CNTNAP2: variants seen among roughly 807,000 people sequenced by gnomAD.
The protein encoded by CNTNAP2 is contactin-associated protein-like 2.
In CNTNAP2, 98 loss-of-function variants were observed where a neutral mutation model predicts 155.2. The ratio of observed to expected loss-of-function variants is 0.63; its 90% CI spans 0.54 to 0.75. The LOEUF (loss-of-function observed/expected upper bound fraction) is 0.75, where lower values mean the gene tolerates loss of function less well. Ranked by LOEUF, CNTNAP2 falls within the 30% of genes least tolerant of loss-of-function variation. The pLI, the probability that CNTNAP2 is intolerant of heterozygous loss-of-function variation, is 0.00. For synonymous variants in CNTNAP2, 651 were observed against 631.2 expected (o/e 1.03, Z -0.47); for missense variants, 1,727 against 1,688.1 (o/e 1.02, Z -0.40).
At position 148,312,846 on chromosome 7, in the gene CNTNAP2, T is replaced by C. The variant is rs527613878; in HGVS notation, c.3475+45720T>C. Among the ~76,000 whole-genome samples, 329 of 148,242 alleles carry C rather than the reference T, an allele frequency of 2.2e-3. 1 individual carries two copies. Among genetic ancestry groups the C allele is most frequent in the African/African-American group, 7.8e-3 (310 of 39,992 alleles). On this transcript the variant is annotated intron_variant, in intron 21 of 23. Transcript: ENST00000361727. Reference sequence around the variant, plus strand: ...TAGGTTTTAATGGGATGGTAAGGGGTGCATGATCGGTCGCTAAGGAGGGAG... The same window carrying C: ...TAGGTTTTAATGGGATGGTAAGGGGCGCATGATCGGTCGCTAAGGAGGGAG...
intron 1 of CNTNAP2, among the ~76,000 whole-genome samples, chr7:146,306,761 G>T (rs1054405238): frequency 1.3e-5 from 2 of 152,192 alleles, no homozygotes; most frequent in South Asian, 4.1e-4. Flanking sequence ...ATGCTGAAAG[G>T]CCTTTGACAA....
In CNTNAP2 at chr7:146,779,245, C is replaced by T. The variant is rs1802441020; in HGVS notation, c.208+4864C>T. ...AGCTCATTAAAGTAAGTTTTTCTTC[C>T]TAGTTACTAAAGGACTTTTGGTTTT... On this transcript the variant is annotated intron_variant, in intron 2 of 23. Coordinates refer to ENST00000361727, the MANE Select transcript of CNTNAP2 (RefSeq NM_014141.6). 2.0e-5 allele frequency among the ~76,000 whole-genome samples: 3 copies of T among 152,136 alleles called. No individual in the cohort carries two copies. The South Asian group carries it at 6.2e-4, about 32-fold the overall frequency.
At chr7:148,392,376 C>CAGGCG (rs1799370833) in intron 22 of CNTNAP2, among the ~76,000 whole-genome samples, 1 of 152,136 alleles carries the variant, frequency 6.6e-6, no homozygotes, top group Admixed American at 6.5e-5. Flanking sequence ...CTGGCCACAG[C>CAGGCG]TAGTTATTTT....
chr7:146,547,404 A>G (rs1184223978), intron 1 of CNTNAP2, among the ~76,000 whole-genome samples: 1 of 151,990 alleles, frequency 6.6e-6, no homozygotes, highest in Non-Finnish European at 1.5e-5. Context: ...TATATAATGC[A>G]GTAGTGCTGA....
At chr7:147,299,421 A>G (rs982805286) in intron 8 of CNTNAP2, among the ~76,000 whole-genome samples, 1 of 144,180 alleles carries the variant, frequency 6.9e-6, no homozygotes, top group African/African-American at 2.8e-5. Context: ...TGCATTCTTG[A>G]TTTATTTTGC....
intron 1 of CNTNAP2, among the ~76,000 whole-genome samples, chr7:146,521,326 T>G (rs1486931499): frequency 1.3e-5 from 2 of 151,984 alleles, no homozygotes; most frequent in African/African-American, 4.8e-5. Flanking sequence ...GGTGGTAGTC[T>G]GAATTTGGTC....
chr7:147,320,075 C>T (rs1456210180), intron 9 of CNTNAP2, among the ~76,000 whole-genome samples: 1 of 152,152 alleles, frequency 6.6e-6, no homozygotes, highest in Non-Finnish European at 1.5e-5. Flanking sequence ...ATCTAGCATG[C>T]AACCTCTAAT....
intron 20 of CNTNAP2, among the ~76,000 whole-genome samples, chr7:148,253,040 A>AGAT (rs751795798): frequency 0.035 from 4,637 of 130,744 alleles, 90 homozygotes; most frequent in Non-Finnish European, 0.048. Flanking sequence ...ATAGATAGAT[A>AGAT]GATAGATAGA....
intron 21 of CNTNAP2, among the ~76,000 whole-genome samples, chr7:148,345,425 C>T (rs2116588035): frequency 6.6e-6 from 1 of 152,236 alleles, no homozygotes; most frequent in East Asian, 1.9e-4. Context: ...TACAGTGACG[C>T]AATCTCAGCT....
chr7:148,409,500 G>A, intron 23 of CNTNAP2, 29 bp downstream of exon 23: 1 of 1,576,858 alleles, frequency 6.3e-7, no homozygotes, highest in African/African-American at 1.3e-5. Context: ...AGGCTTATAT[G>A]GGGCTACTCA....
At chr7:146,591,581 A>G (rs1472336651) in intron 1 of CNTNAP2, among the ~76,000 whole-genome samples, 1 of 152,190 alleles carries the variant, frequency 6.6e-6, no homozygotes, top group Non-Finnish European at 1.5e-5. Flanking sequence ...CATGATTTTT[A>G]CATTCAGTTT....
chr7:148,362,875 A>G (rs765534215), intron 21 of CNTNAP2, among the ~76,000 whole-genome samples: 15 of 152,198 alleles, frequency 9.9e-5, no homozygotes, highest in Non-Finnish European at 1.8e-4. Flanking sequence ...TTACTTTACC[A>G]TGGTGCAAAA....
At chr7:147,436,013 C>G (rs1235407860) in intron 10 of CNTNAP2, among the ~76,000 whole-genome samples, 1 of 152,002 alleles carries the variant, frequency 6.6e-6, no homozygotes, top group Non-Finnish European at 1.5e-5. Flanking sequence ...TTTCATGTGA[C>G]CATTCAAATA....
At chr7:146,376,391 A>T (rs1795304337) in intron 1 of CNTNAP2, among the ~76,000 whole-genome samples, 1 of 152,142 alleles carries the variant, frequency 6.6e-6, no homozygotes, top group African/African-American at 2.4e-5. Context: ...TCTTCAGAAT[A>T]TACAGAATAC....
At chr7:146,699,878 G>T (rs1307607491) in intron 1 of CNTNAP2, among the ~76,000 whole-genome samples, 3 of 152,132 alleles carry the variant, frequency 2.0e-5, no homozygotes, top group Admixed American at 6.6e-5. Context: ...TGAGGCACAA[G>T]AATCTCTTGA....
intron 11 of CNTNAP2, among the ~76,000 whole-genome samples, chr7:147,503,770 T>C (rs187872482): frequency 4.6e-5 from 7 of 152,302 alleles, no homozygotes; most frequent in African/African-American, 1.7e-4. Flanking sequence ...TTTCCAAGTG[T>C]TTTACCCACA....
intron 1 of CNTNAP2, among the ~76,000 whole-genome samples, chr7:146,627,810 G>C (rs1322652648): frequency 6.6e-6 from 1 of 152,032 alleles, no homozygotes; most frequent in Admixed American, 6.6e-5. Context: ...TTAGAAAACT[G>C]TTTTTCTCCT....
At chr7:146,795,357 T>A in intron 2 of CNTNAP2, among the ~76,000 whole-genome samples, 1 of 152,198 alleles carries the variant, frequency 6.6e-6, no homozygotes, top group Admixed American at 6.5e-5. Context: ...TACTCTGACC[T>A]CGCAAATCAA....
chr7:146,451,032 T>C (rs1376232005), intron 1 of CNTNAP2, among the ~76,000 whole-genome samples: 4 of 152,060 alleles, frequency 2.6e-5, no homozygotes, highest in Non-Finnish European at 4.4e-5. Flanking sequence ...CTGCAAGCTC[T>C]GACCCCCGGG....
Sources: gnomAD v4.1 joint callset for allele counts (sites outside exome capture counted in the v4.1 genomes callset) on GRCh38, gnomAD v4.1.1 for gene constraint, MANE v1.5 for transcripts, NCBI Gene and HGNC (gene_info 2026-07-23, HGNC 2026-07-21) for gene names.